Variants in C19orf38 observed in about 807,000 individuals in gnomAD.
C19orf38 encodes chromosome 19 open reading frame 38.
C19orf38 carries 14 observed loss-of-function variants against 26.6 expected under a neutral mutation model. The observed-to-expected ratio is 0.53, with a 90% CI of 0.35 to 0.82. C19orf38 has a LOEUF of 0.82. Among genes scored for constraint, C19orf38 ranks in the 40% least tolerant of loss-of-function variants. The pLI, the probability that C19orf38 is intolerant of heterozygous loss-of-function variation, is 0.01. For missense variants in C19orf38, 261 were observed against 299.5 expected (o/e 0.87, Z 0.95); for synonymous variants, 132 against 128.5 (o/e 1.03, Z -0.18).
chr19:10,850,165 G>C, intron 1 of C19orf38, 94 bp from the exon 2 acceptor site: 1 of 1,243,320 alleles, frequency 8.0e-7, no homozygotes, highest in Non-Finnish European at 1.1e-6. Context: ...AAAACACAAG[G>C]CTGAGGGAGG....
Position 10,861,185 on chromosome 19 carries a change from T to C in C19orf38, c.505+1227T>C, listed in dbSNP as rs533799129. Among the ~76,000 whole-genome samples, 15 of 152,270 alleles carry C rather than the reference T, an allele frequency of 9.9e-5. No homozygotes were observed. The South Asian group carries it at 2.5e-3, about 25-fold the overall frequency. On this transcript the variant is annotated intron_variant, in intron 5 of 6. Transcript: ENST00000397820. ...CAAAAATGAAACAATTAAGTGATCA[T>C]TGGGTGCTTGCATATTTCATACTCA...
At chr19:10,866,238 G>A (rs1159870314) in intron 6 of C19orf38, among the ~76,000 whole-genome samples, 3 of 146,046 alleles carry the variant, frequency 2.1e-5, no homozygotes, top group Non-Finnish European at 4.5e-5. Context: ...CTCTCGCTCT[G>A]TCACCAGGCT....
At chr19:10,848,239 C>T (rs947100348), upstream of C19orf38, among the ~76,000 whole-genome samples, 1 of 151,924 alleles carries the variant, frequency 6.6e-6, no homozygotes, top group Non-Finnish European at 1.5e-5. Flanking sequence ...ACCACCTAAA[C>T]ATCTCATCCA....
At chr19:10,857,431 G>A (rs1388925693) in intron 3 of C19orf38, among the ~76,000 whole-genome samples, 2 of 138,970 alleles carry the variant, frequency 1.4e-5, no homozygotes, top group African/African-American at 2.8e-5. Context: ...GCAGTGAGGC[G>A]ATCTCGACTC....
rs1236312328 is a variant in C19orf38, at chr19:10,859,312, ATG to A, written c.462-591_462-590del. 1.6e-4 allele frequency among the ~76,000 whole-genome samples: 14 copies of A among 85,208 alleles called. No homozygotes were observed. In the East Asian group the frequency reaches 1.8e-3, roughly 11 times the overall value. The allele number at this position is 85,208 out of a possible 152,430, so 55.9% of individuals were successfully genotyped here. Reference sequence around the variant, plus strand: ...TGTGTATATGTGTGTGTGTGTATGTATGTGTGTGTGTGTATGTATGTGTGTGT... The same window carrying A: ...TGTGTATATGTGTGTGTGTGTATGTATGTGTGTGTGTATGTATGTGTGTGT... On this transcript the variant is annotated intron_variant, in intron 4 of 6. Transcript: ENST00000397820.
At chr19:10,866,575 A>G (rs1417713617) in intron 6 of C19orf38, among the ~76,000 whole-genome samples, 1 of 150,980 alleles carries the variant, frequency 6.6e-6, no homozygotes, top group Non-Finnish European at 1.5e-5. Flanking sequence ...GGCTTGCTGC[A>G]CCCAGGTTCA....
chr19:10,853,574 C>T (rs1359891032), intron 2 of C19orf38, among the ~76,000 whole-genome samples: 1 of 151,402 alleles, frequency 6.6e-6, no homozygotes, highest in Non-Finnish European at 1.5e-5. Flanking sequence ...GCGTGAGCCA[C>T]CATGCCCAGC....
chr19:10,861,272 G>A (rs1420284609), intron 5 of C19orf38, among the ~76,000 whole-genome samples: 1 of 152,216 alleles, frequency 6.6e-6, no homozygotes, highest in Non-Finnish European at 1.5e-5. Context: ...GGGACTCCAG[G>A]GCCACACTTG....
intron 4 of C19orf38, 97 bp from the exon 5 acceptor site, chr19:10,859,818 T>A: frequency 8.9e-7 from 1 of 1,124,662 alleles, no homozygotes; most frequent in Admixed American, 2.0e-5. Context: ...AAAGGCTACA[T>A]TTTGGGTGTG....
intron 3 of C19orf38, among the ~76,000 whole-genome samples, chr19:10,857,606 G>T (rs961468540): frequency 1.3e-5 from 2 of 151,344 alleles, no homozygotes; most frequent in African/African-American, 4.9e-5. Flanking sequence ...TGGAGACAGG[G>T]TTTCACCATG....
At chr19:10,855,030 C>CTTTTTTTTTTTTTTT (rs33999724) in intron 2 of C19orf38, among the ~76,000 whole-genome samples, 1 of 77,754 alleles carries the variant, frequency 1.3e-5, no homozygotes, top group Admixed American at 1.6e-4. Flanking sequence ...GATATATATT[C>CTTTTTTTTTTTTTTT]TTTTTTTTTT....
intron 2 of C19orf38, among the ~76,000 whole-genome samples, chr19:10,853,095 C>T (rs966274583): frequency 6.6e-6 from 1 of 151,354 alleles, no homozygotes; most frequent in Non-Finnish European, 1.5e-5. Flanking sequence ...AGGGGTCTTG[C>T]TTTGTTGACC....
chr19:10,861,464 C>T (rs1394330706), intron 5 of C19orf38, among the ~76,000 whole-genome samples: 5 of 152,248 alleles, frequency 3.3e-5, no homozygotes, highest in African/African-American at 1.2e-4. Context: ...AGGGTCCTTT[C>T]GTAACCAAGA....
chr19:10,856,021 AC>A (rs369020294), intron 2 of C19orf38, among the ~76,000 whole-genome samples: 2 of 152,248 alleles, frequency 1.3e-5, no homozygotes, highest in Non-Finnish European at 2.9e-5. Flanking sequence ...TCCCAGTGGT[AC>A]CACCAAAGTC....
chr19:10,869,237 A>T lies in C19orf38; in HGVS notation c.563A>T (p.Asp188Val). Residue 188 changes from aspartate to valine, a missense_variant, in exon 7 of 7, where the codon GAC becomes GTC. By Grantham distance (152) the Asp-to-Val change is radical. Transcript: ENST00000397820. ...ACAAAGAAAACGATGCCAGAAGAAG[A>T]CCCGGCCACCTTGGATGATCACTCA... Reference protein sequence around the residue: ...TVSAKTMPEEDPATLDDHSGT... With the variant: ...TVSAKTMPEEVPATLDDHSGT... 1 of 1,551,524 alleles carries T rather than the reference A, an allele frequency of 6.4e-7. No homozygotes were observed. The highest frequency in any genetic ancestry group is 8.7e-7 in the Non-Finnish European group (1 of 1,146,938).
chr19:10,849,153 A>G (rs987119766), intron 1 of C19orf38, among the ~76,000 whole-genome samples: 6 of 136,536 alleles, frequency 4.4e-5, no homozygotes, highest in Admixed American at 3.1e-4. Flanking sequence ...CCCTCCTGCC[A>G]TGATGGCCTC....
chr19:10,862,201 G>GTTTT (rs566409872), intron 5 of C19orf38, among the ~76,000 whole-genome samples: 8 of 120,902 alleles, frequency 6.6e-5, no homozygotes, highest in East Asian at 2.4e-4. Context: ...CGCCCAGCCT[G>GTTTT]TTTTTTTTTT....
In C19orf38 at chr19:10,869,685, TCCTC is replaced by T. The variant is rs2146284832; in HGVS notation, c.*322_*325del. ...CCAGGTCTCTGCACACCCGTGGAAT[TCCTC>T]CCTTCCCCAGTGGGTTTTTGAGCAT... On this transcript the variant is annotated 3_prime_UTR_variant, in exon 7 of 7. Coordinates refer to ENST00000397820, the MANE Select transcript of C19orf38 (RefSeq NM_001136482.3). 3.2e-6 allele frequency: 1 copy of T among 313,260 alleles called. No homozygotes were observed. Among genetic ancestry groups the T allele is most frequent in the Admixed American group, 5.0e-5 (1 of 19,838 alleles). The allele number at this position is 313,260 out of a possible 1,614,324, so 19.4% of individuals were successfully genotyped here.
intron 1 of C19orf38, among the ~76,000 whole-genome samples, chr19:10,838,582 C>G (rs2073454888): frequency 6.6e-6 from 1 of 151,994 alleles, no homozygotes; most frequent in Admixed American, 6.6e-5. Context: ...TGAGTAACAC[C>G]CGGGGTCGTT....
Sources: allele counts gnomAD v4.1 joint callset (sites outside exome capture counted in the v4.1 genomes callset), GRCh38; gene constraint gnomAD v4.1.1; transcripts MANE v1.5; gene names NCBI Gene and HGNC (gene_info 2026-07-23, HGNC 2026-07-21).